THSD4: variants seen among roughly 807,000 people sequenced by gnomAD.
THSD4 encodes thrombospondin type 1 domain containing 4, also known as thrombospondin type-1 domain-containing protein 4.
THSD4 carries 69 observed loss-of-function variants against 119.0 expected under a neutral mutation model. The observed-to-expected ratio is 0.58, with a 90% CI of 0.48 to 0.71. The LOEUF is 0.71. Among genes scored for constraint, THSD4 ranks in the 30% least tolerant of loss-of-function variants. The pLI, the probability that THSD4 is intolerant of heterozygous loss-of-function variation, is 0.00. For missense variants in THSD4, 1,393 were observed against 1,391.1 expected (o/e 1.00, Z -0.02); for synonymous variants, 524 against 540.4 (o/e 0.97, Z 0.42).
At chr15:71,388,283 A>G (rs544475187) in intron 6 of THSD4, among the ~76,000 whole-genome samples, 2 of 152,330 alleles carry the variant, frequency 1.3e-5, no homozygotes, top group East Asian at 1.9e-4. Context: ...TTGCTCACCA[A>G]ACCTATATGG....
In THSD4 at chr15:71,737,662, G is replaced by A. The variant is rs545465275; in HGVS notation, c.1631-70G>A. On this transcript the variant is annotated intron_variant, in intron 10 of 17. Coordinates refer to ENST00000261862, the MANE Select transcript of THSD4 (RefSeq NM_024817.3). ...ATGCTACACAGTCTCTAATGTCGAA[G>A]CAATTTCCTCTTTACAACTCAGGGT... is the stretch of plus-strand genomic sequence containing the variant. The A allele has an allele frequency of 6.7e-6, 10 of 1,500,544 alleles. No homozygotes were observed. In the African/African-American group the frequency reaches 8.4e-5, roughly 13 times the overall value. 93.0% of individuals were successfully genotyped at this position (1,500,544 alleles called of 1,614,324 possible). A position where few individuals can be genotyped will look rare whatever the true frequency, so the allele number is the denominator to read the frequency against.
At chr15:71,307,184 A>C (rs1378973815) in intron 6 of THSD4, among the ~76,000 whole-genome samples, 1 of 151,944 alleles carries the variant, frequency 6.6e-6, no homozygotes, top group Non-Finnish European at 1.5e-5. Context: ...GTGGCTGAAC[A>C]CCTCCTCACT....
intron 3 of THSD4, among the ~76,000 whole-genome samples, chr15:71,208,388 T>C (rs2043862260): frequency 6.6e-6 from 1 of 152,194 alleles, no homozygotes; most frequent in Non-Finnish European, 1.5e-5. Context: ...GGTTTCAGTT[T>C]CCCTCTAACA....
At chr15:71,165,612 C>G (rs1410248230) in intron 3 of THSD4, among the ~76,000 whole-genome samples, 1 of 152,060 alleles carries the variant, frequency 6.6e-6, no homozygotes, top group African/African-American at 2.4e-5. Context: ...GGTATGTTGA[C>G]TTTGGTTCTG....
chr15:71,280,730 T>G lies in THSD4; in HGVS notation c.1015+24015T>G, dbSNP rs114819287. Among the ~76,000 whole-genome samples the G allele has an allele frequency of 4.0e-3, 611 of 152,178 alleles. 3 individuals are homozygous for G. Among genetic ancestry groups the G allele is most frequent in the African/African-American group, 0.014 (585 of 41,506 alleles). On this transcript the variant is annotated intron_variant, in intron 6 of 17. Transcript: ENST00000261862. The stretch of plus-strand genomic sequence containing the variant: ...ACTCTTTGCCCTGTTCTGTCTTTCA[T>G]GGTTAGTGGTGTTTTGGAGGTGTGT...
intron 3 of THSD4, among the ~76,000 whole-genome samples, chr15:71,183,749 A>G (rs796702889): frequency 7.6e-4 from 116 of 151,944 alleles, no homozygotes; most frequent in African/African-American, 2.6e-3. Context: ...TGATTTATCC[A>G]CATCAGAGTT....
intron 7 of THSD4, among the ~76,000 whole-genome samples, chr15:71,475,378 T>C (rs2047641803): frequency 6.6e-6 from 1 of 152,242 alleles, no homozygotes; most frequent in Non-Finnish European, 1.5e-5. Flanking sequence ...ATTTTCTATT[T>C]ATAAAAATGG....
intron 7 of THSD4, among the ~76,000 whole-genome samples, chr15:71,515,508 C>A (rs1331238630): frequency 6.6e-6 from 1 of 152,104 alleles, no homozygotes; most frequent in Non-Finnish European, 1.5e-5. Context: ...ACGTACCCTG[C>A]CTGGGTCTCT....
intron 7 of THSD4, among the ~76,000 whole-genome samples, chr15:71,596,700 T>C (rs960251892): frequency 3.3e-5 from 5 of 152,228 alleles, no homozygotes; most frequent in Admixed American, 2.0e-4. Context: ...AAATTGTTAA[T>C]GATAGAACCA....
intron 6 of THSD4, among the ~76,000 whole-genome samples, chr15:71,362,745 G>C (rs546715050): frequency 6.6e-6 from 1 of 152,042 alleles, no homozygotes; most frequent in Non-Finnish European, 1.5e-5. Flanking sequence ...GTTTTCGTCC[G>C]CACGCAGCAC....
At chr15:71,399,846 T>C (rs2046502627) in intron 6 of THSD4, among the ~76,000 whole-genome samples, 2 of 152,174 alleles carry the variant, frequency 1.3e-5, no homozygotes, top group South Asian at 2.1e-4. Flanking sequence ...AATTCTGATG[T>C]ACGTTAGAGT....
At chr15:71,165,180 G>A in intron 3 of THSD4, 1 of 1,581,050 alleles carries the variant, frequency 6.3e-7, no homozygotes, top group South Asian at 1.1e-5. Flanking sequence ...CCTTTGGGAG[G>A]GATGTAGGTT....
At chr15:71,489,709 A>G (rs2047883704) in intron 7 of THSD4, among the ~76,000 whole-genome samples, 1 of 152,250 alleles carries the variant, frequency 6.6e-6, no homozygotes, top group African/African-American at 2.4e-5. Flanking sequence ...CAGAAATAGA[A>G]GATGGTGGGT....
At chr15:71,654,129 G>A (rs1215122285) in intron 7 of THSD4, among the ~76,000 whole-genome samples, 1 of 152,266 alleles carries the variant, frequency 6.6e-6, no homozygotes, top group Middle Eastern at 3.4e-3. Context: ...ACAAATGGGA[G>A]TGTTTGTGTT....
At chr15:71,165,802 C>G (rs370467624) in intron 3 of THSD4, among the ~76,000 whole-genome samples, 50 of 152,226 alleles carry the variant, frequency 3.3e-4, no homozygotes, top group Admixed American at 5.2e-4. Flanking sequence ...GGTGGGCCAG[C>G]AGGCTGTTTG....
intron 7 of THSD4, among the ~76,000 whole-genome samples, chr15:71,444,280 C>CTAGA (rs977756428): frequency 6.6e-6 from 1 of 152,196 alleles, no homozygotes; most frequent in African/African-American, 2.4e-5. Context: ...AGGATCACTG[C>CTAGA]TAGATCCCTT....
At chr15:71,359,199 C>G (rs529314590) in intron 6 of THSD4, among the ~76,000 whole-genome samples, 1 of 152,150 alleles carries the variant, frequency 6.6e-6, no homozygotes, top group Non-Finnish European at 1.5e-5. Flanking sequence ...TGTGAGGAGG[C>G]GTAGGGGCAC....
intron 17 of THSD4, 132 bp from the exon 18 acceptor site, chr15:71,777,100 A>T: frequency 1.0e-6 from 1 of 1,000,432 alleles, no homozygotes; most frequent in Non-Finnish European, 1.5e-6. Context: ...CCCTTGGCAC[A>T]CATTCATACC....
chr15:71,486,609 CTGTTTTTTTT>C (rs1409767880), intron 7 of THSD4, among the ~76,000 whole-genome samples: 2 of 75,192 alleles, frequency 2.7e-5, no homozygotes, highest in African/African-American at 8.0e-5. Context: ...AGTTTCTTTT[CTGTTTTTTTT>C]TTTTTTTTTT....
Sources: gnomAD v4.1 joint callset for allele counts (sites outside exome capture counted in the v4.1 genomes callset) on GRCh38, gnomAD v4.1.1 for gene constraint, MANE v1.5 for transcripts, NCBI Gene and HGNC (gene_info 2026-07-23, HGNC 2026-07-21) for gene names.